PLCXD3: variants seen among roughly 807,000 people sequenced by gnomAD.
PLCXD3 encodes PI-PLC X domain-containing protein 3.
A neutral mutation model predicts 25.5 loss-of-function variants in PLCXD3; 19 were observed. That is an observed-to-expected ratio of 0.75 (90% confidence interval 0.52 to 1.09). The LOEUF is 1.09. PLCXD3 is among the 50% of genes least tolerant of loss of function. The pLI is 0.00. For missense variants in PLCXD3, 411 were observed against 388.1 expected, an observed-to-expected ratio of 1.06 and a Z score of -0.50; for synonymous variants, 174 against 137.6, an observed-to-expected ratio of 1.26 and a Z score of -1.85.
intron 2 of PLCXD3, among the ~76,000 whole-genome samples, chr5:41,374,753 C>G (rs1193731040): frequency 2.0e-5 from 3 of 152,148 alleles, no homozygotes; most frequent in Admixed American, 2.0e-4. Context: ...ATCGCTTTCC[C>G]TCTCTGTTGA....
At position 41,382,108 on chromosome 5, in the gene PLCXD3, TG is replaced by T; in HGVS notation, c.529del (p.Gln177ArgfsTer5). ...GNKMCPAIFA[Q>X]EVSLKYLWEK... ...CCACAGGTACTTTAAACTAACTTCC[TG>T]GGCAAAAATCGCTGGGCACATTTTA... On this transcript the variant is annotated frameshift_variant, in exon 2 of 3. Transcript: ENST00000377801. LOFTEE classifies it high-confidence loss of function. The T allele has an allele frequency of 3.1e-6, 5 of 1,613,744 alleles. No homozygotes were observed. Among genetic ancestry groups the T allele is most frequent in the Non-Finnish European group, 4.2e-6 (5 of 1,179,760 alleles).
At chr5:41,503,238 A>G (rs1398342292) in intron 1 of PLCXD3, among the ~76,000 whole-genome samples, 2 of 152,200 alleles carry the variant, frequency 1.3e-5, no homozygotes, top group Non-Finnish European at 2.9e-5. Context: ...TAATATGACC[A>G]TTTATCATAA....
Position 41,356,134 on chromosome 5 carries a change from C to G in PLCXD3, c.812+25692G>C, listed in dbSNP as rs113584155. Among the ~76,000 whole-genome samples, 394 of 152,196 alleles carry G rather than the reference C, an allele frequency of 2.6e-3. 4 individuals carry two copies. Among genetic ancestry groups the G allele is most frequent in the African/African-American group, 9.1e-3 (378 of 41,526 alleles). ...GCAAAAAATTAGCCAGGCGTGGTGG[C>G]AGGCGCCTGTACTCCCAGCTACTTG... On this transcript the variant is annotated intron_variant, in intron 2 of 2. Transcript: ENST00000377801.
chr5:41,510,283 C>T (rs1739015461), intron 1 of PLCXD3, 141 bp downstream of exon 1: 2 of 729,108 alleles, frequency 2.7e-6, no homozygotes, highest in East Asian at 2.9e-5. Flanking sequence ...GGCACGCGCT[C>T]GCCTGGCCTG....
At chr5:41,475,858 A>G (rs1213407152) in intron 1 of PLCXD3, among the ~76,000 whole-genome samples, 1 of 152,194 alleles carries the variant, frequency 6.6e-6, no homozygotes, top group Non-Finnish European at 1.5e-5. Context: ...GACAAAAGAA[A>G]CTGTTTTAAA....
At chr5:41,381,289 G>A (rs1479422483) in intron 2 of PLCXD3, among the ~76,000 whole-genome samples, 4 of 152,062 alleles carry the variant, frequency 2.6e-5, no homozygotes, top group Non-Finnish European at 4.4e-5. Context: ...CAAAATACAT[G>A]GTGTTATGGG....
chr5:41,492,048 G>A (rs1350040812), intron 1 of PLCXD3, among the ~76,000 whole-genome samples: 1 of 152,204 alleles, frequency 6.6e-6, no homozygotes, highest in African/African-American at 2.4e-5. Flanking sequence ...TTTACAATTT[G>A]GCATGATTTT....
At chr5:41,509,236 G>A (rs376363020) in intron 1 of PLCXD3, among the ~76,000 whole-genome samples, 14 of 152,130 alleles carry the variant, frequency 9.2e-5, no homozygotes, top group East Asian at 5.8e-4. Flanking sequence ...AGATCAAGAG[G>A]AGGTAGACCA....
intron 2 of PLCXD3, among the ~76,000 whole-genome samples, chr5:41,329,712 T>G (rs1743732871): frequency 1.3e-5 from 2 of 151,672 alleles, no homozygotes; most frequent in Admixed American, 1.3e-4. Flanking sequence ...TCTGTGCTAA[T>G]GATAATGAAA....
chr5:41,316,398 G>T (rs1484141585), intron 2 of PLCXD3, among the ~76,000 whole-genome samples: 1 of 152,178 alleles, frequency 6.6e-6, no homozygotes, highest in African/African-American at 2.4e-5. Flanking sequence ...AACCTCTGAG[G>T]CTTGCTTGCA....
At chr5:41,474,292 A>G (rs1748232876) in intron 1 of PLCXD3, among the ~76,000 whole-genome samples, 1 of 152,150 alleles carries the variant, frequency 6.6e-6, no homozygotes, top group Non-Finnish European at 1.5e-5. Flanking sequence ...CAGGCTTCAG[A>G]TGTACCTAAT....
At chr5:41,396,481 C>T (rs941573705) in intron 1 of PLCXD3, among the ~76,000 whole-genome samples, 5 of 152,082 alleles carry the variant, frequency 3.3e-5, no homozygotes, top group African/African-American at 1.2e-4. Flanking sequence ...CATAAATTAC[C>T]CAGTCTCAGG....
chr5:41,418,972 G>A (rs997836097), intron 1 of PLCXD3, among the ~76,000 whole-genome samples: 3 of 152,204 alleles, frequency 2.0e-5, no homozygotes, highest in African/African-American at 7.2e-5. Context: ...GCAGGCAGCT[G>A]GGTGCTCTGC....
At chr5:41,370,159 C>T (rs562877258) in intron 2 of PLCXD3, among the ~76,000 whole-genome samples, 3 of 152,180 alleles carry the variant, frequency 2.0e-5, no homozygotes, top group African/African-American at 7.2e-5. Flanking sequence ...ATTGTGATTT[C>T]TGCAAAAAAA....
intron 2 of PLCXD3, among the ~76,000 whole-genome samples, chr5:41,326,674 C>A (rs1743636794): frequency 6.6e-6 from 1 of 152,144 alleles, no homozygotes; most frequent in Non-Finnish European, 1.5e-5. Context: ...ATTATCTCAA[C>A]CCCTCCCATC....
intron 1 of PLCXD3, among the ~76,000 whole-genome samples, chr5:41,437,170 A>T (rs1747274039): frequency 6.6e-6 from 1 of 152,208 alleles, no homozygotes; most frequent in Non-Finnish European, 1.5e-5. Context: ...AGAAGACATC[A>T]CACCTGTCTT....
chr5:41,409,183 A>C lies in PLCXD3; in HGVS notation c.104-26649T>G, dbSNP rs529002701. ...CATTAAAAAATCTGTTTTGTACAGG[A>C]AACTGTCTAGTTCTTTTCCTATTCA... On this transcript the variant is annotated intron_variant, in intron 1 of 2. Transcript: ENST00000377801. Among the ~76,000 whole-genome samples, 34 of 152,282 alleles carry C rather than the reference A, an allele frequency of 2.2e-4. No homozygotes were observed. The South Asian group carries it at 7.1e-3, about 32-fold the overall frequency.
intron 2 of PLCXD3, among the ~76,000 whole-genome samples, chr5:41,342,980 C>A (rs1230257101): frequency 2.0e-5 from 3 of 152,000 alleles, no homozygotes; most frequent in Non-Finnish European, 4.4e-5. Flanking sequence ...TCAAAACTAA[C>A]AAATCAGCAG....
intron 1 of PLCXD3, among the ~76,000 whole-genome samples, chr5:41,427,630 T>A (rs1450346957): frequency 6.6e-6 from 1 of 152,276 alleles, no homozygotes; most frequent in South Asian, 2.1e-4. Flanking sequence ...CAGAACATAG[T>A]TTCCACATAT....
Sources: allele counts gnomAD v4.1 joint callset (sites outside exome capture counted in the v4.1 genomes callset), GRCh38; gene constraint gnomAD v4.1.1; transcripts MANE v1.5; gene names NCBI Gene and HGNC (gene_info 2026-07-23, HGNC 2026-07-21).